Variants in ZNF484 observed in about 807,000 individuals in gnomAD.
ZNF484 encodes zinc finger protein 484, also known as KRAB box containing C2H2 type zinc finger bA526D8.4.
Under a neutral mutation model 12.9 loss-of-function variants are expected in ZNF484, and 11 were observed. That is an observed-to-expected ratio of 0.85 (90% CI 0.54 to 1.41). The LOEUF (loss-of-function observed/expected upper bound fraction) is 1.41. Ranked by LOEUF, ZNF484 falls within the 40% of genes most tolerant of loss-of-function variation. ZNF484 has a pLI of 0.00. For missense variants in ZNF484, 807 were observed against 1,007.7 expected (o/e 0.80, Z 2.70); for synonymous variants, 289 against 334.1 (o/e 0.86, Z 1.47).
At chr9:92,872,005 C>T (rs766173775) in intron 2 of ZNF484, among the ~76,000 whole-genome samples, 1 of 151,994 alleles carries the variant, frequency 6.6e-6, no homozygotes, top group African/African-American at 2.4e-5. Flanking sequence ...CCAATGCGGG[C>T]GGATCGCCTG....
In ZNF484 at chr9:92,844,587, C is replaced by G. The variant is rs1855484425; in HGVS notation, c.*1641G>C. 2.0e-5 allele frequency among the ~76,000 whole-genome samples: 3 copies of G among 152,054 alleles called. No individual in the cohort carries two copies. Among genetic ancestry groups the G allele is most frequent in the Admixed American group, 2.0e-4 (3 of 15,254 alleles). On this transcript the variant is annotated 3_prime_UTR_variant, in exon 5 of 5. Coordinates refer to ENST00000375495, the MANE Select transcript of ZNF484 (RefSeq NM_031486.4). ...AGGAGACAGAAAAGCAGATTGCCTG[C>G]AAAGGTAATTATATAAAGCTTCTCA...
In ZNF484 at chr9:92,844,591, G is replaced by A. The variant is rs1855484656; in HGVS notation, c.*1637C>T. ...GACAGAAAAGCAGATTGCCTGCAAAGGTAATTATATAAAGCTTCTCAATAA... is the reference window on the plus strand; with the variant it reads ...GACAGAAAAGCAGATTGCCTGCAAAAGTAATTATATAAAGCTTCTCAATAA... On this transcript the variant is annotated 3_prime_UTR_variant, in exon 5 of 5. Transcript: ENST00000375495. Among the ~76,000 whole-genome samples the A allele has an allele frequency of 6.6e-6, 1 of 152,090 alleles. No homozygotes were observed. The highest frequency in any genetic ancestry group is 6.5e-5 in the Admixed American group (1 of 15,272).
intron 1 of ZNF484, among the ~76,000 whole-genome samples, chr9:92,876,056 C>T (rs1857787714): frequency 7.5e-6 from 1 of 133,400 alleles, no homozygotes; most frequent in East Asian, 2.1e-4. Flanking sequence ...TGGAAGAAGT[C>T]CAAATAAATG....
At chr9:92,875,087 C>T in intron 1 of ZNF484, 28 bp from the exon 2 acceptor site, 1 of 1,610,324 alleles carries the variant, frequency 6.2e-7, no homozygotes, top group Admixed American at 1.7e-5. Context: ...TAGAGGTACC[C>T]ATGAGAGAAG....
intron 1 of ZNF484, 142 bp from the exon 2 acceptor site, chr9:92,875,201 C>A: frequency 1.6e-6 from 1 of 612,132 alleles, no homozygotes; most frequent in Non-Finnish European, 2.8e-6. Context: ...TCATCCCATC[C>A]CATATTGTAC....
At position 92,848,323 on chromosome 9, in the gene ZNF484, T is replaced by C. The variant is rs1307040306; in HGVS notation, c.464A>G (p.Tyr155Cys). 3.1e-6 allele frequency: 5 copies of C among 1,614,022 alleles called. No individual in the cohort carries two copies. Among genetic ancestry groups the C allele is most frequent in the Non-Finnish European group, 4.2e-6 (5 of 1,180,030 alleles). The change falls in exon 5 of 5, where the codon TAT (tyrosine) becomes TGT (cysteine). Residue 155 changes from tyrosine to cysteine, a missense_variant. Tyr to Cys is a radical substitution (Grantham distance 194). Transcript: ENST00000375495. This position sits in a 1 kb window ranked among gnomAD's most constrained non-coding sequence, Gnocchi z 4.1. Reference protein sequence around the residue: ...KTLANDSIFEYKDIGEIVHVN... With the variant: ...KTLANDSIFECKDIGEIVHVN... ...ATGAACTATTTCCCCAATGTCCTTATATTCAAAGATGCTGTCATTAGCTAG... is the reference window on the plus strand; with the variant it reads ...ATGAACTATTTCCCCAATGTCCTTACATTCAAAGATGCTGTCATTAGCTAG...
chr9:92,864,648 C>T (rs1194508896), intron 2 of ZNF484, among the ~76,000 whole-genome samples: 2 of 151,964 alleles, frequency 1.3e-5, no homozygotes, highest in Middle Eastern at 3.2e-3. Context: ...AAATTCAGTA[C>T]CACGTAATAG....
chr9:92,860,963 G>C (rs183488934), intron 2 of ZNF484, among the ~76,000 whole-genome samples: 19 of 152,256 alleles, frequency 1.2e-4, no homozygotes, highest in African/African-American at 4.6e-4. Context: ...CCTACGAGCA[G>C]CCCAGATATA....
At chr9:92,872,684 T>C (rs1324662596) in intron 2 of ZNF484, among the ~76,000 whole-genome samples, 1 of 152,032 alleles carries the variant, frequency 6.6e-6, no homozygotes, top group Non-Finnish European at 1.5e-5. Context: ...GATTCTTTCT[T>C]ACAGCCTGTA....
At chr9:92,874,889 T>C in intron 2 of ZNF484, 126 bp downstream of exon 2, 1 of 921,456 alleles carries the variant, frequency 1.1e-6, no homozygotes, top group Non-Finnish European at 1.6e-6. Context: ...CTTCTTCATT[T>C]TATCTGATCT....
intron 2 of ZNF484, among the ~76,000 whole-genome samples, chr9:92,862,404 A>G (rs565570749): frequency 6.6e-6 from 1 of 152,164 alleles, no homozygotes; most frequent in African/African-American, 2.4e-5. Context: ...CCCCAAATAG[A>G]GAGAAGAAAA....
chr9:92,852,790 G>A (rs912338619), intron 4 of ZNF484, among the ~76,000 whole-genome samples: 5 of 150,236 alleles, frequency 3.3e-5, no homozygotes, highest in African/African-American at 4.9e-5. Flanking sequence ...ACCCACCTCA[G>A]CCTCCCAAAG....
At position 92,856,334 on chromosome 9, in the gene ZNF484, A is replaced by ATTTT; in HGVS notation, c.16-17_16-16insAAAA. The ATTTT allele has an allele frequency of 6.5e-7, 1 of 1,533,128 alleles. No homozygotes were observed. Among genetic ancestry groups the ATTTT allele is most frequent in the Non-Finnish European group, 8.7e-7 (1 of 1,143,902 alleles). 95.0% of individuals were successfully genotyped at this position (1,533,128 alleles called of 1,614,324 possible). On this transcript the variant is annotated splice_polypyrimidine_tract_variant and intron_variant, in intron 2 of 4. Transcript: ENST00000375495. ...ACACTGATTCCTGTTAAAAAAAAAA[A>ATTTT]ACAAACTTTAAAATAATTTTTTAAA...
chr9:92,866,298 GA>G (rs990933416), intron 2 of ZNF484, among the ~76,000 whole-genome samples: 1 of 151,842 alleles, frequency 6.6e-6, no homozygotes, highest in Non-Finnish European at 1.5e-5. Context: ...ACATTTACAA[GA>G]AAAAAACAAC....
At chr9:92,854,503 G>A (rs1856314396) in intron 4 of ZNF484, among the ~76,000 whole-genome samples, 1 of 152,150 alleles carries the variant, frequency 6.6e-6, no homozygotes, top group Non-Finnish European at 1.5e-5. Context: ...GGATCACGAG[G>A]TCAGGAGATC....
chr9:92,857,369 G>A (rs781294417), intron 2 of ZNF484, among the ~76,000 whole-genome samples: 1 of 152,082 alleles, frequency 6.6e-6, no homozygotes, highest in Non-Finnish European at 1.5e-5. Context: ...CCTGTCTACT[G>A]GAGAATGCAG....
chr9:92,873,311 T>C (rs1315635544), intron 2 of ZNF484, among the ~76,000 whole-genome samples: 1 of 152,186 alleles, frequency 6.6e-6, no homozygotes, highest in Non-Finnish European at 1.5e-5. Context: ...AGAAAATAAA[T>C]TTTTGTTGTT....
chr9:92,867,930 T>C (rs1298530152), intron 2 of ZNF484, among the ~76,000 whole-genome samples: 1 of 152,198 alleles, frequency 6.6e-6, no homozygotes, highest in African/African-American at 2.4e-5. Flanking sequence ...GTGAGGGTAG[T>C]CTTAGAGACG....
At chr9:92,862,110 A>G (rs367685079) in intron 2 of ZNF484, 8 of 956,092 alleles carry the variant, frequency 8.4e-6, no homozygotes, top group Non-Finnish European at 1.0e-5. Context: ...CTCTGTTTAA[A>G]TTCTCTTAAA....
Sources: allele counts gnomAD v4.1 joint callset (sites outside exome capture counted in the v4.1 genomes callset), GRCh38; gene constraint gnomAD v4.1.1; non-coding constraint Gnocchi (gnomAD v3.1); transcripts MANE v1.5; gene names NCBI Gene and HGNC (gene_info 2026-07-23, HGNC 2026-07-21).